Variants in ARHGEF7 observed in about 807,000 individuals in gnomAD.
ARHGEF7 encodes Rho guanine nucleotide exchange factor 7.
A neutral mutation model predicts 109.8 loss-of-function variants in ARHGEF7; 33 were observed. The observed-to-expected ratio is 0.30, with a 90% CI of 0.23 to 0.40. ARHGEF7 has a LOEUF of 0.40. ARHGEF7 is among the 10% of genes least tolerant of loss of function. The probability of loss-of-function intolerance (pLI) is 1.00; values close to 1 mark genes in which losing one functional copy is unlikely to be tolerated. For synonymous variants in ARHGEF7, 458 were observed against 424.6 expected (o/e 1.08, Z -0.97); for missense variants, 938 against 1,098.5 (o/e 0.85, Z 2.07).
intron 20 of ARHGEF7, 25 bp downstream of exon 20, chr13:111,300,872 A>G: frequency 1.3e-6 from 2 of 1,524,780 alleles, no homozygotes; most frequent in Non-Finnish European, 1.8e-6. Flanking sequence ...GGTATTCTAA[A>G]GCAGATGTTT....
chr13:111,133,633 G>C (rs970193428), intron 1 of ARHGEF7, among the ~76,000 whole-genome samples: 13 of 150,626 alleles, frequency 8.6e-5, no homozygotes, highest in Non-Finnish European at 7.4e-5. Context: ...TTTTGTCTAG[G>C]TGGTTATATG....
At chr13:111,264,126 G>A (rs768430238) in intron 8 of ARHGEF7, among the ~76,000 whole-genome samples, 5 of 152,144 alleles carry the variant, frequency 3.3e-5, no homozygotes, top group Non-Finnish European at 5.9e-5. Flanking sequence ...TTTGCCTTCT[G>A]TTGTGTTTTA....
chr13:111,302,944 C>T lies in ARHGEF7; in HGVS notation c.2467-47C>T, dbSNP rs142802749. The T allele has an allele frequency of 6.8e-4, 1,091 of 1,607,548 alleles. 7 individuals are homozygous for T. In the African/African-American group the frequency reaches 0.013, roughly 19 times the overall value. ...ACACATTTGGGGAAAGGAAGCCCTACGCGATGCCAAAGATAGTGAACACCC... is the reference window on the plus strand; with the variant it reads ...ACACATTTGGGGAAAGGAAGCCCTATGCGATGCCAAAGATAGTGAACACCC... On this transcript the variant is annotated intron_variant, in intron 21 of 21. Transcript: ENST00000646102.
At chr13:111,262,082 A>G (rs1305205732) in intron 8 of ARHGEF7, among the ~76,000 whole-genome samples, 2 of 152,202 alleles carry the variant, frequency 1.3e-5, no homozygotes, top group Non-Finnish European at 2.9e-5. Context: ...CAAACCCAAA[A>G]TTGTAGAAGG....
In ARHGEF7 at chr13:111,272,497, G is replaced by A. The variant is rs2092232649; in HGVS notation, c.1074-1317G>A. 6.6e-6 allele frequency among the ~76,000 whole-genome samples: 1 copy of A among 152,184 alleles called. No individual in the cohort carries two copies. The highest frequency in any genetic ancestry group is 2.4e-5 in the African/African-American group (1 of 41,434). ...TTTTAGGACATCGTTTACATAATGA[G>A]GATATAAAAGTATCTTTTCCTTTTA... On this transcript the variant is annotated intron_variant, in intron 9 of 21. Transcript: ENST00000646102. The surrounding 1 kb of genome is among the most constrained non-coding windows in gnomAD (Gnocchi z 5.2).
intron 2 of ARHGEF7, among the ~76,000 whole-genome samples, chr13:111,174,600 A>G (rs1418945759): frequency 6.6e-6 from 1 of 152,236 alleles, no homozygotes. Flanking sequence ...TTAGTTCACT[A>G]AGTTTTCCTG....
chr13:111,123,896 G>A (rs867183862), intron 1 of ARHGEF7, among the ~76,000 whole-genome samples: 1 of 107,868 alleles, frequency 9.3e-6, no homozygotes, highest in East Asian at 2.9e-4. Flanking sequence ...CTGCCCCTGC[G>A]GCTGCCAGGC....
chr13:111,200,398 G>A (rs1026993836), intron 2 of ARHGEF7, among the ~76,000 whole-genome samples: 6 of 150,052 alleles, frequency 4.0e-5, no homozygotes, highest in African/African-American at 7.3e-5. Flanking sequence ...CCTTTCTCTC[G>A]TTTTCTGTTC....
At chr13:111,198,115 C>A (rs577553526) in intron 2 of ARHGEF7, among the ~76,000 whole-genome samples, 3 of 151,990 alleles carry the variant, frequency 2.0e-5, no homozygotes, top group African/African-American at 4.8e-5. Context: ...GGCAAACCAC[C>A]GCTCCCAACT....
chr13:111,157,863 A>G (rs1184757439), intron 2 of ARHGEF7, among the ~76,000 whole-genome samples: 3 of 152,188 alleles, frequency 2.0e-5, no homozygotes, highest in Admixed American at 1.3e-4. Flanking sequence ...TTCCCACCCT[A>G]TGCAACATTG....
At chr13:111,159,593 G>A (rs984210323) in intron 2 of ARHGEF7, among the ~76,000 whole-genome samples, 2 of 152,166 alleles carry the variant, frequency 1.3e-5, no homozygotes, top group East Asian at 1.9e-4. Flanking sequence ...GTTGTGAGAT[G>A]CTCTCATGAT....
intron 1 of ARHGEF7, among the ~76,000 whole-genome samples, chr13:111,149,580 A>G (rs886542016): frequency 6.6e-6 from 1 of 152,254 alleles, no homozygotes; most frequent in Admixed American, 6.5e-5. Flanking sequence ...CAACCAATCA[A>G]TACATAACCT....
rs76972469 is a variant in ARHGEF7, at chr13:111,203,329, A to T, written c.253-1960A>T. On this transcript the variant is annotated intron_variant, in intron 2 of 21. Transcript: ENST00000646102. Reference sequence around the variant, plus strand: ...TAATTCCTTTTAAAAAATGCAGCTTAACCCGTATTTGTTATAGGTGGTTAT... The same window carrying T: ...TAATTCCTTTTAAAAAATGCAGCTTTACCCGTATTTGTTATAGGTGGTTAT... Among the ~76,000 whole-genome samples the T allele has an allele frequency of 7.2e-3, 1,093 of 152,380 alleles. 5 individuals are homozygous for T. Among genetic ancestry groups the T allele is most frequent in the Non-Finnish European group, 0.012 (793 of 68,040 alleles).
intron 19 of ARHGEF7, among the ~76,000 whole-genome samples, chr13:111,296,363 G>T (rs1187112971): frequency 6.6e-6 from 1 of 152,158 alleles, no homozygotes; most frequent in Non-Finnish European, 1.5e-5. Context: ...TTGCTGTGGG[G>T]TCCTGGTGCC....
At chr13:111,289,271 T>C (rs1391432503) in intron 18 of ARHGEF7, among the ~76,000 whole-genome samples, 1 of 152,240 alleles carries the variant, frequency 6.6e-6, no homozygotes, top group Non-Finnish European at 1.5e-5. Context: ...TGACCTCAGG[T>C]GATCTGCCCG....
At chr13:111,293,923 G>A (rs1189605146) in intron 19 of ARHGEF7, 7 of 985,296 alleles carry the variant, frequency 7.1e-6, no homozygotes, top group South Asian at 9.4e-5. Context: ...GCAGTAGCAC[G>A]TTGTTTAGAA....
At chr13:111,169,729 A>G (rs981130211) in intron 2 of ARHGEF7, among the ~76,000 whole-genome samples, 1 of 152,196 alleles carries the variant, frequency 6.6e-6, no homozygotes, top group Non-Finnish European at 1.5e-5. Context: ...TTCTTACTGT[A>G]AAATATATTT....
Position 111,122,259 on chromosome 13 carries a change from C to T in ARHGEF7, c.165+6568C>T, listed in dbSNP as rs146556968. On this transcript the variant is annotated intron_variant, in intron 1 of 21. Transcript: ENST00000646102. ...GGGCTGAGCGGGTGGACTCAGGTTT[C>T]GCTTATATAAAGTTTCATGCATCAG... 6.3e-3 allele frequency among the ~76,000 whole-genome samples: 963 copies of T among 152,176 alleles called. 10 individuals carry two copies. Among genetic ancestry groups the T allele is most frequent in the Middle Eastern group, 0.014 (4 of 294 alleles).
intron 2 of ARHGEF7, among the ~76,000 whole-genome samples, chr13:111,190,641 G>A (rs931519093): frequency 6.6e-6 from 1 of 152,176 alleles, no homozygotes; most frequent in African/African-American, 2.4e-5. Flanking sequence ...ATAAGTAGGG[G>A]TATTAGTTGT....
Sources: allele counts gnomAD v4.1 joint callset (sites outside exome capture counted in the v4.1 genomes callset), GRCh38; gene constraint gnomAD v4.1.1; non-coding constraint Gnocchi (gnomAD v3.1); transcripts MANE v1.5; gene names NCBI Gene and HGNC (gene_info 2026-07-23, HGNC 2026-07-21).